EZR: variants seen among roughly 807,000 people sequenced by gnomAD.
EZR encodes the protein cytovillin 2.
EZR carries 40 observed loss-of-function variants against 74.8 expected under a neutral mutation model. That is an observed-to-expected ratio of 0.53 (90% CI 0.42 to 0.70). The LOEUF (loss-of-function observed/expected upper bound fraction) is 0.70. EZR is among the 30% of genes least tolerant of loss of function. EZR has a pLI of 0.00. For synonymous variants in EZR, 341 were observed against 283.3 expected (o/e 1.20, Z -2.05); for missense variants, 678 against 755.8 (o/e 0.90, Z 1.21).
chr6:158,786,028 G>A (rs1791571534), intron 4 of EZR, among the ~76,000 whole-genome samples: 2 of 152,080 alleles, frequency 1.3e-5, no homozygotes, highest in African/African-American at 4.8e-5. Flanking sequence ...TCCAGCCTGG[G>A]TGACAGAGCA....
At chr6:158,770,046 G>C (rs765940563) in intron 10 of EZR, 102 bp from the exon 11 acceptor site, 1 of 1,476,476 alleles carries the variant, frequency 6.8e-7, no homozygotes, top group Admixed American at 2.0e-5. Flanking sequence ...CCTAGACCAA[G>C]TCACAGGTTG....
intron 2 of EZR, among the ~76,000 whole-genome samples, chr6:158,795,091 A>C (rs1777040146): frequency 6.6e-6 from 1 of 151,982 alleles, no homozygotes; most frequent in African/African-American, 2.4e-5. Flanking sequence ...ATCTCTACTA[A>C]AAATATAAAA....
intron 2 of EZR, among the ~76,000 whole-genome samples, chr6:158,796,104 A>G (rs1777064779): frequency 6.6e-6 from 1 of 152,194 alleles, no homozygotes; most frequent in Non-Finnish European, 1.5e-5. Flanking sequence ...ATGGAACCAG[A>G]GGTCCAATAA....
At chr6:158,808,691 G>A (rs370705541) in intron 2 of EZR, among the ~76,000 whole-genome samples, 4 of 152,314 alleles carry the variant, frequency 2.6e-5, no homozygotes, top group Admixed American at 6.5e-5. Context: ...TGAGGAGGCA[G>A]AGGGAGGTGA....
intron 2 of EZR, among the ~76,000 whole-genome samples, chr6:158,808,603 C>T (rs1777390628): frequency 6.6e-6 from 1 of 152,212 alleles, no homozygotes; most frequent in Admixed American, 6.5e-5. Context: ...CTGACCAGGG[C>T]CAGGCATAAG....
intron 2 of EZR, among the ~76,000 whole-genome samples, chr6:158,798,283 T>C (rs980691069): frequency 3.3e-5 from 5 of 152,216 alleles, no homozygotes; most frequent in African/African-American, 1.2e-4. Context: ...AAGAAACAGC[T>C]GAAAAACAAT....
At chr6:158,772,314 A>AG (rs1791135850) in intron 8 of EZR, among the ~76,000 whole-genome samples, 1 of 152,358 alleles carries the variant, frequency 6.6e-6, no homozygotes, top group Admixed American at 6.5e-5. Flanking sequence ...CGAGCTCCAC[A>AG]GCCTTGAGCA....
rs1384978589 is a variant in EZR at position 158,785,413 on chromosome 6, A to G, written c.363T>C (p.Thr121=). Residue 121 remains threonine, a synonymous_variant, in exon 5 of 14, where the codon ACT becomes ACC. Transcript: ENST00000367075. ...CAGCGTAGGACCCCAAGAGCACGGC[A>G]GTCTCAGGGGGGCAGTAGATCTCAT... ...LSDEIYCPPE[T]AVLLGSYAVQ... is the part of the protein sequence containing the mutation. 2 of 1,614,214 alleles carry G rather than the reference A, an allele frequency of 1.2e-6. No individual in the cohort carries two copies. The highest frequency in any genetic ancestry group is 3.3e-5 in the Admixed American group (2 of 60,030).
intron 2 of EZR, among the ~76,000 whole-genome samples, chr6:158,803,559 A>T (rs1289648391): frequency 3.7e-4 from 1 of 2,738 alleles, no homozygotes; most frequent in African/African-American, 1.5e-3. Context: ...ATATATATAT[A>T]TATATATATA....
At position 158,818,128 on chromosome 6, in the gene EZR, A is replaced by T; in HGVS notation, c.-35T>A. The T allele has an allele frequency of 6.2e-7, 1 of 1,606,524 alleles. No homozygotes were observed. The highest frequency in any genetic ancestry group is 1.3e-5 in the African/African-American group (1 of 74,840). ...CTGGTGAGTATCCTCGATCCCCGAAAACACGACTATCCAGCAGCAGCGAAG... is the reference window on the plus strand; with the variant it reads ...CTGGTGAGTATCCTCGATCCCCGAATACACGACTATCCAGCAGCAGCGAAG... On this transcript the variant is annotated 5_prime_UTR_variant, in exon 2 of 14. Transcript: ENST00000367075.
chr6:158,792,133 G>A lies in EZR; in HGVS notation c.13-2762C>T, dbSNP rs991538123. 1.3e-5 allele frequency among the ~76,000 whole-genome samples: 2 copies of A among 152,166 alleles called. 1 individual carries two copies. The highest frequency in any genetic ancestry group is 3.9e-4 in the East Asian group (2 of 5,194). ...TAAGCATTTTGCAAACTGACTAGCA[G>A]GAATTTAGAATAACTTATTTTTGGT... On this transcript the variant is annotated intron_variant, in intron 2 of 13. Coordinates refer to ENST00000367075, the MANE Select transcript of EZR (RefSeq NM_001111077.2).
At chr6:158,781,773 AT>A (rs1345185883) in intron 7 of EZR, among the ~76,000 whole-genome samples, 1 of 151,034 alleles carries the variant, frequency 6.6e-6, no homozygotes, top group African/African-American at 2.4e-5. Flanking sequence ...CTTCTTTAAA[AT>A]TTTTTTTGAG....
At chr6:158,812,065 G>A (rs965273827) in intron 2 of EZR, among the ~76,000 whole-genome samples, 1 of 151,890 alleles carries the variant, frequency 6.6e-6, no homozygotes, top group Non-Finnish European at 1.5e-5. Context: ...GCTGTTACTG[G>A]ACTCCCTGCA....
chr6:158,801,708 C>A (rs1777190926), intron 2 of EZR, among the ~76,000 whole-genome samples: 1 of 152,196 alleles, frequency 6.6e-6, no homozygotes, highest in Non-Finnish European at 1.5e-5. Flanking sequence ...CCACTTGTCA[C>A]AACCCTGATA....
At chr6:158,798,622 C>CTTTTTTT (rs147757313) in intron 2 of EZR, among the ~76,000 whole-genome samples, 1 of 122,204 alleles carries the variant, frequency 8.2e-6, no homozygotes, top group African/African-American at 3.2e-5. Flanking sequence ...TGCTGCTCCG[C>CTTTTTTT]TTTTTTTTTT....
chr6:158,777,958 GT>G (rs772743060), intron 7 of EZR, among the ~76,000 whole-genome samples: 5 of 152,104 alleles, frequency 3.3e-5, no homozygotes, highest in Non-Finnish European at 5.9e-5. Flanking sequence ...CAATGAGTTT[GT>G]TCTTTTATCT....
chr6:158,776,528 A>G (rs1791284326), intron 7 of EZR, 24 bp from the exon 8 acceptor site: 1 of 1,520,038 alleles, frequency 6.6e-7, no homozygotes, highest in Admixed American at 1.8e-5. Context: ...GAAGAAGTGG[A>G]TGGTTAGATG....
intron 2 of EZR, among the ~76,000 whole-genome samples, chr6:158,801,265 T>C (rs3127187): frequency 0.53 from 79,854 of 152,058 alleles, 21,913 homozygotes; most frequent in Non-Finnish European, 0.61. Context: ...CAGGCGTGCA[T>C]CACCATGCCC....
intron 9 of EZR, 150 bp downstream of exon 9, chr6:158,771,094 A>G (rs1791093460): frequency 7.5e-7 from 1 of 1,335,724 alleles, no homozygotes; most frequent in African/African-American, 1.5e-5. Flanking sequence ...AACCGCCCAG[A>G]GACAAAGGCC....
Sources: allele counts gnomAD v4.1 joint callset (sites outside exome capture counted in the v4.1 genomes callset), GRCh38; gene constraint gnomAD v4.1.1; transcripts MANE v1.5; gene names NCBI Gene and HGNC (gene_info 2026-07-23, HGNC 2026-07-21).